The following PSD3 variants were observed in gnomAD, a reference collection of about 807,000 sequenced individuals.
PSD3 encodes pleckstrin and Sec7 domain containing 3, also known as PH and SEC7 domain-containing protein 3.
PSD3 carries 49 observed loss-of-function variants against 105.5 expected under a neutral mutation model. The observed-to-expected ratio is 0.46, with a 90% confidence interval of 0.37 to 0.59. The LOEUF (loss-of-function observed/expected upper bound fraction) is 0.59, where lower values mean the gene tolerates loss of function less well. PSD3 is among the 20% of genes least tolerant of loss of function. The pLI is 0.00. For synonymous variants in PSD3, 557 were observed against 457.8 expected (o/e 1.22, Z -2.77); for missense variants, 1,561 against 1,263.8 (o/e 1.24, Z -3.57).
chr8:18,735,731 G>A (rs1804101036), intron 9 of PSD3, among the ~76,000 whole-genome samples: 2 of 152,132 alleles, frequency 1.3e-5, no homozygotes, highest in African/African-American at 4.8e-5. Context: ...ACAAATTTAT[G>A]AGGCTGATGA....
At chr8:18,655,484 T>A (rs1432510536) in intron 10 of PSD3, among the ~76,000 whole-genome samples, 158 bp downstream of exon 10, 2 of 152,180 alleles carry the variant, frequency 1.3e-5, no homozygotes, top group Non-Finnish European at 2.9e-5. Context: ...GTATCTGGGT[T>A]TACTTGTATA....
At chr8:18,623,631 G>A (rs1389193638) in intron 11 of PSD3, among the ~76,000 whole-genome samples, 73 of 143,726 alleles carry the variant, frequency 5.1e-4, no homozygotes, top group African/African-American at 1.8e-3. Flanking sequence ...GTTACTGAGC[G>A]AGACTCCATC....
intron 1 of PSD3, among the ~76,000 whole-genome samples, chr8:19,003,700 G>C (rs781092999): frequency 4.6e-5 from 7 of 151,358 alleles, no homozygotes; most frequent in African/African-American, 1.7e-4. Flanking sequence ...AAATGTCTGT[G>C]AGCCTGGCTT....
chr8:18,646,460 A>C (rs1305299133), intron 10 of PSD3, among the ~76,000 whole-genome samples: 1 of 152,188 alleles, frequency 6.6e-6, no homozygotes, highest in Non-Finnish European at 1.5e-5. Flanking sequence ...AAGGTAAAAA[A>C]TATTTTAACT....
intron 12 of PSD3, among the ~76,000 whole-genome samples, chr8:18,584,741 T>C (rs1033441101): frequency 2.0e-5 from 3 of 152,348 alleles, no homozygotes; most frequent in Non-Finnish European, 4.4e-5. Flanking sequence ...TGCAGGGCTA[T>C]GTGGGCTTTC....
At chr8:18,738,743 C>G (rs1258137765) in intron 9 of PSD3, among the ~76,000 whole-genome samples, 3 of 152,036 alleles carry the variant, frequency 2.0e-5, no homozygotes, top group African/African-American at 7.3e-5. Flanking sequence ...CAAGGGCAGA[C>G]TATAGCTTGA....
At chr8:18,562,039 T>C (rs1801421554) in intron 14 of PSD3, among the ~76,000 whole-genome samples, 1 of 152,032 alleles carries the variant, frequency 6.6e-6, no homozygotes, top group African/African-American at 2.4e-5. Context: ...AAAATAGAAA[T>C]GCAGATGGCT....
chr8:18,781,937 G>C (rs1808676760), intron 8 of PSD3, among the ~76,000 whole-genome samples: 1 of 151,778 alleles, frequency 6.6e-6, no homozygotes, highest in Admixed American at 6.6e-5. Context: ...CTGTCTTCAA[G>C]TTTACAAATT....
intron 9 of PSD3, among the ~76,000 whole-genome samples, chr8:18,727,910 A>G (rs1199086368): frequency 6.6e-6 from 1 of 152,152 alleles, no homozygotes; most frequent in Non-Finnish European, 1.5e-5. Context: ...TTCTAGACTT[A>G]TATTTAACCC....
chr8:18,879,437 A>G (rs1817975484), intron 2 of PSD3, among the ~76,000 whole-genome samples: 1 of 152,208 alleles, frequency 6.6e-6, no homozygotes, highest in Non-Finnish European at 1.5e-5. Context: ...TGAGAGGCGA[A>G]AGGACCTGAC....
At chr8:18,669,956 A>T (rs940918184) in intron 9 of PSD3, among the ~76,000 whole-genome samples, 1 of 152,208 alleles carries the variant, frequency 6.6e-6, no homozygotes, top group African/African-American at 2.4e-5. Flanking sequence ...GGCATCGTGA[A>T]TCCAGTGGTG....
intron 2 of PSD3, among the ~76,000 whole-genome samples, chr8:18,886,311 C>A (rs527421391): frequency 1.3e-5 from 2 of 152,080 alleles, no homozygotes; most frequent in Admixed American, 6.5e-5. Context: ...CCAGGTAAAG[C>A]CAGGTGAGGT....
At chr8:18,887,917 C>T (rs1287021887) in intron 2 of PSD3, among the ~76,000 whole-genome samples, 1 of 152,078 alleles carries the variant, frequency 6.6e-6, no homozygotes, top group African/African-American at 2.4e-5. Flanking sequence ...TACCAGCAGC[C>T]CTGTGGGATG....
chr8:18,800,213 T>G (rs1810560392), intron 7 of PSD3, among the ~76,000 whole-genome samples: 1 of 152,216 alleles, frequency 6.6e-6, no homozygotes, highest in East Asian at 1.9e-4. Flanking sequence ...GTAAACATAT[T>G]CTTAGATTTG....
chr8:18,811,221 T>G (rs939261443), intron 4 of PSD3, among the ~76,000 whole-genome samples: 1 of 152,256 alleles, frequency 6.6e-6, no homozygotes, highest in African/African-American at 2.4e-5. Flanking sequence ...TAACCCATTT[T>G]ACAGATGGGA....
At chr8:18,819,797 T>C (rs1812538914) in intron 4 of PSD3, among the ~76,000 whole-genome samples, 2 of 152,118 alleles carry the variant, frequency 1.3e-5, no homozygotes, top group South Asian at 4.1e-4. Flanking sequence ...CAGGATGATC[T>C]TGATCTCCTG....
At chr8:19,065,977 C>A (rs1057112459) in intron 1 of PSD3, among the ~76,000 whole-genome samples, 1 of 150,970 alleles carries the variant, frequency 6.6e-6, no homozygotes, top group Non-Finnish European at 1.5e-5. Context: ...TTTGGAAATT[C>A]TAAAGATTTT....
chr8:18,595,059 ATACTT>A (rs1212968592), intron 12 of PSD3, among the ~76,000 whole-genome samples: 2 of 152,042 alleles, frequency 1.3e-5, no homozygotes, highest in African/African-American at 2.4e-5. Flanking sequence ...AAGTATTAAA[ATACTT>A]TACCTATAAA....
chr8:18,815,682 G>A (rs2638662), intron 4 of PSD3, among the ~76,000 whole-genome samples: 58,921 of 151,928 alleles, frequency 0.39, 12,060 homozygotes, highest in East Asian at 0.84. Context: ...TCTCTTTGGC[G>A]TGTTTGGAAC....
Sources: allele counts gnomAD v4.1 joint callset (sites outside exome capture counted in the v4.1 genomes callset), GRCh38; gene constraint gnomAD v4.1.1; transcripts MANE v1.5; gene names NCBI Gene and HGNC (gene_info 2026-07-23, HGNC 2026-07-21).